The following PSD2 variants were observed in gnomAD, a reference collection of about 807,000 sequenced individuals.
The protein encoded by PSD2 is PH and SEC7 domain-containing protein 2.
A neutral mutation model predicts 69.8 loss-of-function variants in PSD2; 38 were observed. The ratio of observed to expected loss-of-function variants is 0.54; its 90% CI spans 0.42 to 0.71. The LOEUF (loss-of-function observed/expected upper bound fraction) is 0.71. PSD2 is among the 30% of genes least tolerant of loss of function. The pLI is 0.00. For synonymous variants in PSD2, 412 were observed against 423.0 expected (o/e 0.97, Z 0.32); for missense variants, 943 against 1,014.5 (o/e 0.93, Z 0.96).
chr5:139,766,916 CCTTCCTTCCTTCCCTTCTTTCTTT>C, the PSD2 span, among the ~76,000 whole-genome samples: 16 of 45,026 alleles, frequency 3.6e-4, no homozygotes, highest in African/African-American at 8.9e-4. Context: ...TCCCTTCCTT[CCTTCCTTCCTTCCCTTCTTTCTTT>C]CTTTCTTTCT....
At chr5:139,759,037 AGGTAGTACTGAAGG>A in the PSD2 span, among the ~76,000 whole-genome samples, 230 of 151,958 alleles carry the variant, frequency 1.5e-3, 1 homozygote, top group African/African-American at 5.2e-3. Context: ...TCCATGCTCC[AGGTAGTACTGAAGG>A]GGAGATCTAG....
intron 4 of PSD2, among the ~76,000 whole-genome samples, chr5:139,815,898 G>A (rs761758605): frequency 1.6e-4 from 24 of 151,262 alleles, no homozygotes; most frequent in Non-Finnish European, 2.9e-4. Context: ...GGAGGCTGAG[G>A]CAGGAGAATC....
the PSD2 span, among the ~76,000 whole-genome samples, chr5:139,784,597 C>T: frequency 6.6e-6 from 1 of 152,184 alleles, no homozygotes; most frequent in African/African-American, 2.4e-5. Flanking sequence ...CATCATCTGG[C>T]CCCTGCTGCC....
chr5:139,778,082 G>C, the PSD2 span, among the ~76,000 whole-genome samples: 1 of 152,230 alleles, frequency 6.6e-6, no homozygotes, highest in Non-Finnish European at 1.5e-5. Context: ...CCCTAGGAAA[G>C]TCCTACACAA....
chr5:139,796,531 C>G (rs1397104067), intron 1 of PSD2, among the ~76,000 whole-genome samples: 1 of 152,220 alleles, frequency 6.6e-6, no homozygotes, highest in Non-Finnish European at 1.5e-5. Context: ...AGCGGGGGCT[C>G]GCACGGGGGC....
chr5:139,820,988 A>C (rs1350397005), intron 5 of PSD2, among the ~76,000 whole-genome samples: 12 of 151,596 alleles, frequency 7.9e-5, no homozygotes, highest in Non-Finnish European at 1.6e-4. Flanking sequence ...GCTGGAGTGC[A>C]ATGGTGCGAC....
At chr5:139,812,937 T>C (rs1379222239) in intron 2 of PSD2, among the ~76,000 whole-genome samples, 1 of 152,172 alleles carries the variant, frequency 6.6e-6, no homozygotes, top group Non-Finnish European at 1.5e-5. Flanking sequence ...TAGGTGTCTG[T>C]GGCACTGGGT....
At chr5:139,799,869 T>G (rs1175588524) in intron 1 of PSD2, among the ~76,000 whole-genome samples, 1 of 152,016 alleles carries the variant, frequency 6.6e-6, no homozygotes, top group Non-Finnish European at 1.5e-5. Flanking sequence ...GTGGGAAGGA[T>G]GAGCTTGTGC....
intron 14 of PSD2, 60 bp downstream of exon 14, chr5:139,840,230 G>C: frequency 6.3e-7 from 1 of 1,583,120 alleles, no homozygotes; most frequent in Non-Finnish European, 8.6e-7. Flanking sequence ...CTTCCTGCCT[G>C]GCCTGATGTG....
In PSD2 at chr5:139,814,379, C is replaced by G; in HGVS notation, c.1016+15C>G. On this transcript the variant is annotated intron_variant, in intron 4 of 14. Transcript: ENST00000274710. The surrounding 1 kb of genome is among the most constrained non-coding windows in gnomAD (Gnocchi z 4.4). ...CTGGGCAAGAAGTGAGTGTGAGCTC[C>G]CCTGCCCCCAACCCTGGGCAAACCT... 6.3e-7 allele frequency: 1 copy of G among 1,582,490 alleles called. No homozygotes were observed. Among genetic ancestry groups the G allele is most frequent in the East Asian group, 2.3e-5 (1 of 43,532 alleles).
chr5:139,805,466 G>A (rs1237385118), intron 1 of PSD2, among the ~76,000 whole-genome samples: 1 of 152,112 alleles, frequency 6.6e-6, no homozygotes, highest in Non-Finnish European at 1.5e-5. Flanking sequence ...TGGACTCTGG[G>A]GACACAGCCG....
chr5:139,818,768 C>T (rs1760186765), intron 5 of PSD2, among the ~76,000 whole-genome samples: 1 of 152,164 alleles, frequency 6.6e-6, no homozygotes, highest in Non-Finnish European at 1.5e-5. Flanking sequence ...ATATAAATAA[C>T]TCCCACATGC....
At chr5:139,758,076 G>C in the PSD2 span, among the ~76,000 whole-genome samples, 2 of 152,118 alleles carry the variant, frequency 1.3e-5, no homozygotes, top group Non-Finnish European at 2.9e-5. Flanking sequence ...AAAACCAAAT[G>C]GTTTCTTAGT....
intron 13 of PSD2, 148 bp downstream of exon 13, chr5:139,838,920 C>A: frequency 1.2e-6 from 1 of 813,306 alleles, no homozygotes; most frequent in Non-Finnish European, 1.9e-6. Context: ...CCCTCCATCC[C>A]AAGCACCCCA....
In PSD2 at chr5:139,814,471, A is replaced by C; in HGVS notation, c.1016+107A>C. On this transcript the variant is annotated intron_variant, in intron 4 of 14. Transcript: ENST00000274710. This position sits in a 1 kb window ranked among gnomAD's most constrained non-coding sequence, Gnocchi z 4.4. ...CAGGGGTGCCAGGTGCTGGGGGGGCACTCCCAACAGTTCCCCAAGGACACC... is the reference window on the plus strand; with the variant it reads ...CAGGGGTGCCAGGTGCTGGGGGGGCCCTCCCAACAGTTCCCCAAGGACACC... 1.0e-6 allele frequency: 1 copy of C among 1,002,860 alleles called. No homozygotes were observed. Among genetic ancestry groups the C allele is most frequent in the Non-Finnish European group, 1.4e-6 (1 of 714,762 alleles). 62.1% of individuals were successfully genotyped at this position (1,002,860 alleles called of 1,614,324 possible).
At chr5:139,760,018 C>A in the PSD2 span, among the ~76,000 whole-genome samples, 6 of 152,236 alleles carry the variant, frequency 3.9e-5, no homozygotes, top group African/African-American at 1.4e-4. Flanking sequence ...GGACAAAGGC[C>A]TTCGCTGTTC....
upstream of PSD2, among the ~76,000 whole-genome samples, chr5:139,792,169 G>T (rs1438979156): frequency 6.6e-6 from 1 of 150,826 alleles, no homozygotes; most frequent in Non-Finnish European, 1.5e-5. Context: ...GGTCGTGGGG[G>T]TGCTGGGGAC....
intron 1 of PSD2, among the ~76,000 whole-genome samples, chr5:139,805,049 CAT>C (rs960626509): frequency 8.6e-5 from 13 of 151,482 alleles, no homozygotes; most frequent in South Asian, 2.1e-4. Context: ...TGTGTGTGCG[CAT>C]GTGTGTGTGC....
the PSD2 span, among the ~76,000 whole-genome samples, chr5:139,766,828 CTTCT>C: frequency 0.027 from 2,349 of 87,584 alleles, 70 homozygotes; most frequent in Middle Eastern, 0.051. Context: ...AAGTCCCTTC[CTTCT>C]TTCTTTCTTT....
Sources: gnomAD v4.1 joint callset for allele counts (sites outside exome capture counted in the v4.1 genomes callset) on GRCh38, gnomAD v4.1.1 for gene constraint, Gnocchi (gnomAD v3.1) non-coding constraint, MANE v1.5 for transcripts, NCBI Gene and HGNC (gene_info 2026-07-23, HGNC 2026-07-21) for gene names.